The following DPYD variants were observed in gnomAD, a reference collection of about 807,000 sequenced individuals.
The protein encoded by DPYD is dihydropyrimidine dehydrogenase [NADP(+)].
A neutral mutation model predicts 116.2 loss-of-function variants in DPYD; 109 were observed. The ratio of observed to expected loss-of-function variants is 0.94; its 90% confidence interval spans 0.80 to 1.10. The LOEUF (loss-of-function observed/expected upper bound fraction) is 1.10, where lower values mean the gene tolerates loss of function less well. DPYD is among the 50% of genes least tolerant of loss of function. The pLI is 0.00. For synonymous variants in DPYD, 440 were observed against 432.0 expected (o/e 1.02, Z -0.23); for missense variants, 1,302 against 1,254.5 (o/e 1.04, Z -0.57).
chr1:97,857,050 C>A (rs1037507671), intron 2 of DPYD, among the ~76,000 whole-genome samples: 3 of 152,136 alleles, frequency 2.0e-5, no homozygotes, highest in Non-Finnish European at 4.4e-5. Flanking sequence ...TGAACCTCTC[C>A]AAGAACCCTA....
chr1:97,663,255 C>G (rs544323976), intron 8 of DPYD, among the ~76,000 whole-genome samples: 27 of 152,218 alleles, frequency 1.8e-4, no homozygotes, highest in African/African-American at 6.5e-4. Context: ...GAATCTCAAA[C>G]GTAAGAAGTC....
intron 8 of DPYD, among the ~76,000 whole-genome samples, chr1:97,626,611 T>A (rs1656945139): frequency 6.6e-6 from 1 of 152,100 alleles, no homozygotes; most frequent in Non-Finnish European, 1.5e-5. Context: ...CAAACATTGG[T>A]CTTCTAAAAC....
intron 10 of DPYD, among the ~76,000 whole-genome samples, chr1:97,590,661 G>A (rs997035965): frequency 6.6e-6 from 1 of 152,282 alleles, no homozygotes; most frequent in African/African-American, 2.4e-5. Flanking sequence ...CTGCAGGCAG[G>A]TTACCTATTA....
At chr1:97,883,457 T>C in intron 1 of DPYD, 83 bp from the exon 2 acceptor site, 1 of 1,048,614 alleles carries the variant, frequency 9.5e-7, no homozygotes, top group Non-Finnish European at 1.4e-6. Flanking sequence ...TTTTTATTTA[T>C]TTTGAGACAC....
At chr1:97,306,080 A>G in intron 17 of DPYD, 97 bp downstream of exon 17, 1 of 1,587,600 alleles carries the variant, frequency 6.3e-7, no homozygotes, top group East Asian at 2.2e-5. Flanking sequence ...GACAAAAAAT[A>G]TGCACATGTT....
chr1:97,206,852 T>C (rs1659673017), intron 19 of DPYD, among the ~76,000 whole-genome samples: 1 of 151,182 alleles, frequency 6.6e-6, no homozygotes, highest in Non-Finnish European at 1.5e-5. Flanking sequence ...ATACAATATA[T>C]GTACATATAT....
chr1:97,537,698 T>C (rs1650118519), intron 12 of DPYD, among the ~76,000 whole-genome samples: 1 of 152,148 alleles, frequency 6.6e-6, no homozygotes, highest in African/African-American at 2.4e-5. Flanking sequence ...AAGTGAAAGA[T>C]TAACAAGAAT....
intron 20 of DPYD, among the ~76,000 whole-genome samples, chr1:97,134,936 G>T (rs2101680018): frequency 6.6e-6 from 1 of 152,008 alleles, no homozygotes; most frequent in South Asian, 2.1e-4. Flanking sequence ...TTTACGCAAA[G>T]GTGAACAGTA....
rs545702666 is a variant in DPYD at position 97,725,620 on chromosome 1, T to C, written c.322-3949A>G. On this transcript the variant is annotated intron_variant, in intron 4 of 22. Coordinates refer to ENST00000370192, the MANE Select transcript of DPYD (RefSeq NM_000110.4). ...AGCATGTAGATCAATGTGATATAAA[T>C]ATGAGTCCAGATAAAAGCCTTCACA... Among the ~76,000 whole-genome samples the C allele has an allele frequency of 2.0e-5, 3 of 151,790 alleles. No individual in the cohort carries two copies. In the East Asian group the frequency reaches 5.8e-4, roughly 29 times the overall value.
At chr1:97,920,157 G>T (rs1006698680) in intron 1 of DPYD, among the ~76,000 whole-genome samples, 2 of 152,044 alleles carry the variant, frequency 1.3e-5, no homozygotes, top group Admixed American at 6.5e-5. Context: ...CCTTTTCATC[G>T]CATATATTAA....
intron 1 of DPYD, among the ~76,000 whole-genome samples, chr1:97,910,954 A>C (rs1673903580): frequency 6.6e-6 from 1 of 152,092 alleles, no homozygotes; most frequent in African/African-American, 2.4e-5. Context: ...TTGTTAAAAT[A>C]ATTTGTTTAA....
intron 4 of DPYD, among the ~76,000 whole-genome samples, chr1:97,736,850 TTGTGTGTGTGTGTGTG>T (rs71590232): frequency 7.0e-6 from 1 of 142,024 alleles, no homozygotes; most frequent in South Asian, 2.3e-4. Context: ...GTGTGTGCAT[TTGTGTGTGTGTGTGTG>T]TGTGTGTGTG....
In DPYD at chr1:97,193,053, AGATTTAAGCACATACCTT is replaced by A; in HGVS notation, c.2620_2622+15del. 6.2e-7 allele frequency: 1 copy of A among 1,613,622 alleles called. No individual in the cohort carries two copies. The highest frequency in any genetic ancestry group is 8.5e-7 in the Non-Finnish European group (1 of 1,179,594). On this transcript the variant is annotated splice_donor_variant and splice_donor_5th_base_variant and coding_sequence_variant and intron_variant, in exon 20 of 23. Transcript: ENST00000370192. LOFTEE classifies it high-confidence loss of function. Reference sequence around the variant, plus strand: ...GCTGAGTTCTCAAGAATAACACAGGAGATTTAAGCACATACCTTGTCCATGAGTTCAGCTATACGTGGA... The same window carrying A: ...GCTGAGTTCTCAAGAATAACACAGGAGTCCATGAGTTCAGCTATACGTGGA...
intron 10 of DPYD, among the ~76,000 whole-genome samples, chr1:97,581,914 G>C (rs764243956): frequency 3.3e-5 from 5 of 152,096 alleles, no homozygotes; most frequent in African/African-American, 4.8e-5. Flanking sequence ...GGGTAAAGGA[G>C]TTTATCTCAA....
chr1:97,467,709 G>T (rs923580432), intron 13 of DPYD, among the ~76,000 whole-genome samples: 4 of 152,150 alleles, frequency 2.6e-5, no homozygotes, highest in Non-Finnish European at 5.9e-5. Flanking sequence ...AAAATTATTT[G>T]ATCATGTACT....
At chr1:97,437,331 G>T (rs1675525336) in intron 14 of DPYD, among the ~76,000 whole-genome samples, 1 of 150,346 alleles carries the variant, frequency 6.7e-6, no homozygotes, top group African/African-American at 2.4e-5. Flanking sequence ...TCCTTCACTT[G>T]AAATAATTAT....
At chr1:97,095,181 G>A (rs1480722139) in intron 21 of DPYD, among the ~76,000 whole-genome samples, 2 of 151,928 alleles carry the variant, frequency 1.3e-5, no homozygotes, top group African/African-American at 4.8e-5. Context: ...ATTACTTACG[G>A]CATAAAACTT....
At chr1:97,472,216 A>G (rs1677703360) in intron 13 of DPYD, among the ~76,000 whole-genome samples, 1 of 152,218 alleles carries the variant, frequency 6.6e-6, no homozygotes, top group African/African-American at 2.4e-5. Context: ...CTATTTAAAG[A>G]GGCAATTGCC....
chr1:97,879,674 C>T (rs1230946177), intron 2 of DPYD, among the ~76,000 whole-genome samples: 1 of 151,820 alleles, frequency 6.6e-6, no homozygotes, highest in African/African-American at 2.4e-5. Flanking sequence ...GAAGATATTC[C>T]TGGGCAATAA....
Sources: gnomAD v4.1 joint callset for allele counts (sites outside exome capture counted in the v4.1 genomes callset) on GRCh38, gnomAD v4.1.1 for gene constraint, MANE v1.5 for transcripts, NCBI Gene and HGNC (gene_info 2026-07-23, HGNC 2026-07-21) for gene names.